The following SYNM variants were observed in gnomAD, a reference collection of about 807,000 sequenced individuals.
SYNM encodes synemin.
In SYNM, 95 loss-of-function variants were observed where a neutral mutation model predicts 104.0. The observed-to-expected ratio is 0.91, with a 90% CI of 0.77 to 1.08. SYNM has a LOEUF of 1.08. Ranked by LOEUF, SYNM falls within the 50% of genes least tolerant of loss-of-function variation. The pLI is 0.00. For missense variants in SYNM, 2,150 were observed against 2,052.2 expected (o/e 1.05, Z -0.92); for synonymous variants, 918 against 869.0 (o/e 1.06, Z -0.99).
In SYNM at chr15:99,131,044, C is replaced by T. The variant is rs972297581; in HGVS notation, c.2684C>T (p.Ala895Val). 26 of 1,608,894 alleles carry T rather than the reference C, an allele frequency of 1.6e-5. No individual in the cohort carries two copies. In the African/African-American group the frequency reaches 2.8e-4, roughly 17 times the overall value. ...EKVVKPLDVP[A>V]PSLEGDLGST... ...GTTGTGAAGCCCTTGGATGTCCCAGCGCCCTCTCTGGAGGGGGACCTGGGT... is the reference window on the plus strand; with the variant it reads ...GTTGTGAAGCCCTTGGATGTCCCAGTGCCCTCTCTGGAGGGGGACCTGGGT... The change falls in exon 4 of 4, where the codon GCG (alanine) becomes GTG (valine). Residue 895 changes from alanine to valine, a missense_variant. By Grantham distance (64) the Ala-to-Val change is moderately conservative (BLOSUM62 0). Transcript: ENST00000336292. This position sits in a 1 kb window ranked among gnomAD's most constrained non-coding sequence, Gnocchi z 4.3.
At chr15:99,119,356 C>A (rs1261300476) in intron 2 of SYNM, among the ~76,000 whole-genome samples, 1 of 152,252 alleles carries the variant, frequency 6.6e-6, no homozygotes, top group African/African-American at 2.4e-5. Flanking sequence ...CCCACCCAGA[C>A]ATACTGGACC....
intron 3 of SYNM, among the ~76,000 whole-genome samples, 162 bp downstream of exon 3, chr15:99,126,954 T>C (rs2067453810): frequency 6.6e-6 from 1 of 152,234 alleles, no homozygotes; most frequent in Non-Finnish European, 1.5e-5. Flanking sequence ...TAGTTTAGTG[T>C]GACATAATTT....
At chr15:99,137,402 C>T (rs2067676372), downstream of SYNM, 1 of 152,368 alleles carries the variant, frequency 6.6e-6, no homozygotes, top group Non-Finnish European at 1.5e-5. Context: ...CTCCCTTACA[C>T]CTGCCTCCTG....
chr15:99,132,031 G>A lies in SYNM; in HGVS notation c.3671G>A (p.Gly1224Asp). The change falls in exon 4 of 4, where the codon GGC becomes GAC. Residue 1224 changes from glycine (G) to aspartate (D), a missense_variant. Physicochemically the swap from Gly to Asp is moderately conservative, Grantham distance 94. Transcript: ENST00000336292. ...GGATCAGGGAGGCACAGCACATTTG[G>A]CTGCAGACAATTTCATGCTGAAAAG... is the stretch of plus-strand genomic sequence containing the variant. ...MDGSGRHSTF[G>D]CRQFHAEKEI... 6.2e-7 allele frequency: 1 copy of A among 1,613,946 alleles called. No individual in the cohort carries two copies. Among genetic ancestry groups the A allele is most frequent in the Non-Finnish European group, 8.5e-7 (1 of 1,179,904 alleles).
At chr15:99,125,863 C>T (rs1473393117) in intron 2 of SYNM, among the ~76,000 whole-genome samples, 1 of 152,246 alleles carries the variant, frequency 6.6e-6, no homozygotes, top group African/African-American at 2.4e-5. Context: ...GACTGGCTGA[C>T]AGGCATCCCG....
rs372085912 is a variant in SYNM, at chr15:99,131,005, C to T, written c.2645C>T (p.Ala882Val). The T allele has an allele frequency of 5.0e-6, 8 of 1,613,312 alleles. No homozygotes were observed. The highest frequency in any genetic ancestry group is 5.9e-6 in the Non-Finnish European group (7 of 1,179,624). Residue 882 changes from alanine (A) to valine (V), a missense_variant, in exon 4 of 4, where the codon GCA becomes GTA. Physicochemically the swap from Ala to Val is moderately conservative, Grantham distance 64. Coordinates refer to ENST00000336292, the MANE Select transcript of SYNM (RefSeq NM_145728.3). The surrounding 1 kb of genome is among the most constrained non-coding windows in gnomAD (Gnocchi z 4.3). ...GTRRRTQKDG[A>V]VGEKVVKPLD... ...CGAAGGAGGACACAGAAGGACGGTG[C>T]AGTGGGCGAGAAGGTTGTGAAGCCC...
At chr15:99,117,590 C>T (rs574713484) in intron 2 of SYNM, among the ~76,000 whole-genome samples, 1 of 152,348 alleles carries the variant, frequency 6.6e-6, no homozygotes, top group African/African-American at 2.4e-5. Flanking sequence ...TGTAATAGTT[C>T]TCTGAGTTAG....
intron 3 of SYNM, among the ~76,000 whole-genome samples, chr15:99,127,657 T>C (rs532714455): frequency 6.6e-6 from 1 of 152,298 alleles, no homozygotes; most frequent in East Asian, 1.9e-4. Flanking sequence ...TGCAGCAAAT[T>C]TTCTTTCTAA....
At chr15:99,112,911 A>G (rs1555483553) in intron 1 of SYNM, among the ~76,000 whole-genome samples, 2 of 152,122 alleles carry the variant, frequency 1.3e-5, no homozygotes. Context: ...GGGTTTTGCC[A>G]TATTGGCCAG....
intron 3 of SYNM, 137 bp downstream of exon 3, chr15:99,126,929 GTACCAAA>G: frequency 1.4e-6 from 1 of 695,956 alleles, no homozygotes; most frequent in Middle Eastern, 2.5e-4. Context: ...TCTCATTTAA[GTACCAAA>G]TAGATTTTAG....
chr15:99,124,146 G>A (rs1432806369), intron 2 of SYNM, among the ~76,000 whole-genome samples: 1 of 152,258 alleles, frequency 6.6e-6, no homozygotes, highest in African/African-American at 2.4e-5. Context: ...GAGGCTTGGG[G>A]GCAGATTTCC....
intron 1 of SYNM, among the ~76,000 whole-genome samples, chr15:99,110,328 G>A (rs556793842): frequency 6.6e-6 from 1 of 152,254 alleles, no homozygotes; most frequent in East Asian, 1.9e-4. Context: ...AGCTACTTCC[G>A]GTACCTCTTA....
Position 99,105,971 on chromosome 15 carries a change from A to T in SYNM, c.772A>T (p.Met258Leu). 1 of 1,514,080 alleles carries T rather than the reference A, an allele frequency of 6.6e-7. No individual in the cohort carries two copies. Among genetic ancestry groups the T allele is most frequent in the South Asian group, 1.2e-5 (1 of 80,094 alleles). 93.8% of individuals were successfully genotyped at this position (1,514,080 alleles called of 1,614,324 possible). The change falls in exon 1 of 4, where the codon ATG becomes TTG. Residue 258 changes from methionine (M) to leucine (L), a missense_variant. By Grantham distance (15) the Met-to-Leu change is conservative. Transcript: ENST00000336292. ...RARLEDALLR[M>L]REEYGIQAEE... ...GCGGCTGGAGGACGCGCTGCTGCGG[A>T]TGCGCGAGGAGTACGGGATACAGGC... is the stretch of plus-strand genomic sequence containing the variant.
chr15:99,111,487 G>A (rs1400832605), intron 1 of SYNM, among the ~76,000 whole-genome samples: 3 of 152,184 alleles, frequency 2.0e-5, no homozygotes, highest in Non-Finnish European at 4.4e-5. Context: ...AATTGTGGCA[G>A]TGCTGTCACT....
At chr15:99,139,078 G>C (rs144628199), downstream of SYNM, 190 of 579,974 alleles carry the variant, frequency 3.3e-4, 1 homozygote, top group African/African-American at 3.2e-3. Context: ...GGGCTGGTCT[G>C]CAGGAAGACA....
chr15:99,130,112 C>G lies in SYNM; in HGVS notation c.1752C>G (p.Ser584=), dbSNP rs1555485529. ...EREVPISLEV[S]QDRRAEVSPK... ...AGGTGCCGATTAGTCTAGAAGTATC[C>G]CAGGACAGAAGAGCAGAGGTGTCCC... The change falls in exon 4 of 4, where the codon TCC becomes TCG. Residue 584 remains serine, a synonymous_variant. Transcript: ENST00000336292. The G allele has an allele frequency of 1.9e-6, 3 of 1,613,824 alleles. No individual in the cohort carries two copies. The Admixed American group carries it at 5.0e-5, about 27-fold the overall frequency.
Position 99,129,355 on chromosome 15 carries a change from C to T in SYNM, c.1007-12C>T. The T allele has an allele frequency of 6.2e-7, 1 of 1,606,436 alleles. No homozygotes were observed. Among genetic ancestry groups the T allele is most frequent in the Middle Eastern group, 1.7e-4 (1 of 6,038 alleles). ...CTGTCATTTTAATGAATGCTTTGTT[C>T]AATTTCTACAGAATTCAGAAACAAA... On this transcript the variant is annotated splice_polypyrimidine_tract_variant and intron_variant, in intron 3 of 3. Coordinates refer to ENST00000336292, the MANE Select transcript of SYNM (RefSeq NM_145728.3).
intron 1 of SYNM, 80 bp from the exon 2 acceptor site, chr15:99,113,511 G>A (rs1232896881): frequency 5.7e-6 from 9 of 1,565,558 alleles, no homozygotes; most frequent in Non-Finnish European, 7.0e-6. Context: ...TTTTCAATTC[G>A]ATCCTGAATT....
intron 1 of SYNM, among the ~76,000 whole-genome samples, chr15:99,107,945 TGTTTTG>T (rs2067263772): frequency 8.2e-6 from 1 of 122,400 alleles, no homozygotes; most frequent in African/African-American, 3.9e-5. Context: ...TTTTGTTTTT[TGTTTTG>T]TTTTTTTTTT....
Sources: allele counts gnomAD v4.1 joint callset (sites outside exome capture counted in the v4.1 genomes callset), GRCh38; gene constraint gnomAD v4.1.1; non-coding constraint Gnocchi (gnomAD v3.1); transcripts MANE v1.5; gene names NCBI Gene and HGNC (gene_info 2026-07-23, HGNC 2026-07-21).